EPHA5: variants seen among roughly 807,000 people sequenced by gnomAD.
EPHA5 encodes EPH receptor A5, also known as ephrin type-A receptor 5.
Under a neutral mutation model 105.0 loss-of-function variants are expected in EPHA5, and 60 were observed. The ratio of observed to expected loss-of-function variants is 0.57; its 90% CI spans 0.46 to 0.71. The LOEUF (loss-of-function observed/expected upper bound fraction) is 0.71, where lower values mean the gene tolerates loss of function less well. Among genes scored for constraint, EPHA5 ranks in the 30% least tolerant of loss-of-function variants. The probability of loss-of-function intolerance (pLI) is 0.00; values close to 1 mark genes in which losing one functional copy is unlikely to be tolerated. For missense variants in EPHA5, 1,218 were observed against 1,274.7 expected, an observed-to-expected ratio of 0.96 and a Z score of 0.68; for synonymous variants, 513 against 449.1, an observed-to-expected ratio of 1.14 and a Z score of -1.80.
intron 1 of EPHA5, among the ~76,000 whole-genome samples, chr4:65,644,802 A>T (rs907802473): frequency 1.3e-5 from 2 of 152,008 alleles, no homozygotes; most frequent in Non-Finnish European, 2.9e-5. Context: ...ACATTAAAAT[A>T]AATCAATAAC....
intron 3 of EPHA5, among the ~76,000 whole-genome samples, chr4:65,527,598 TCC>T (rs1349923263): frequency 2.6e-5 from 4 of 152,066 alleles, no homozygotes; most frequent in Non-Finnish European, 5.9e-5. Context: ...AACCACTAAC[TCC>T]TATGATTTGG....
chr4:65,419,378 T>A (rs929098138), intron 6 of EPHA5, among the ~76,000 whole-genome samples: 1 of 152,154 alleles, frequency 6.6e-6, no homozygotes. Flanking sequence ...CCATCCCTTT[T>A]ACTCTTCCAG....
At chr4:65,445,225 T>C (rs1726402849) in intron 5 of EPHA5, among the ~76,000 whole-genome samples, 1 of 152,152 alleles carries the variant, frequency 6.6e-6, no homozygotes, top group East Asian at 1.9e-4. Context: ...ATGATTTAAA[T>C]TTGTTATATG....
chr4:65,372,965 C>T (rs893744530), intron 8 of EPHA5, among the ~76,000 whole-genome samples: 3 of 151,848 alleles, frequency 2.0e-5, no homozygotes, highest in African/African-American at 4.8e-5. Flanking sequence ...ATAAATTATA[C>T]ACTATTTTCT....
intron 5 of EPHA5, among the ~76,000 whole-genome samples, chr4:65,480,982 C>G (rs971417419): frequency 6.6e-6 from 1 of 151,968 alleles, no homozygotes; most frequent in South Asian, 2.1e-4. Flanking sequence ...TAACAAGGAT[C>G]CATTTGGTGT....
intron 3 of EPHA5, among the ~76,000 whole-genome samples, chr4:65,505,392 A>C (rs1732908226): frequency 6.6e-6 from 1 of 152,076 alleles, no homozygotes; most frequent in Non-Finnish European, 1.5e-5. Context: ...AACAACTTAA[A>C]TTCTTCATAA....
chr4:65,542,683 A>G (rs1315482402), intron 3 of EPHA5, among the ~76,000 whole-genome samples: 1 of 151,834 alleles, frequency 6.6e-6, no homozygotes, highest in Admixed American at 6.6e-5. Context: ...ACTATTGCAA[A>G]CAATTGAAAA....
intron 16 of EPHA5, chr4:65,331,298 A>C: frequency 9.7e-7 from 1 of 1,034,334 alleles, no homozygotes; most frequent in Non-Finnish European, 1.2e-6. Flanking sequence ...AATAAAATAC[A>C]AACAACTTAC....
intron 2 of EPHA5, among the ~76,000 whole-genome samples, chr4:65,608,845 T>A (rs1208533082): frequency 6.6e-6 from 1 of 152,222 alleles, no homozygotes; most frequent in African/African-American, 2.4e-5. Flanking sequence ...CTAATTAATG[T>A]CTACAATTAG....
chr4:65,468,678 A>AATATATATATAATATATAT (rs1560572066), intron 5 of EPHA5, among the ~76,000 whole-genome samples: 4 of 132,274 alleles, frequency 3.0e-5, no homozygotes, highest in African/African-American at 5.7e-5. Context: ...TAACATATAT[A>AATATATATATAATATATAT]CATATATATA....
intron 6 of EPHA5, among the ~76,000 whole-genome samples, chr4:65,417,151 A>G (rs562157118): frequency 1.3e-5 from 2 of 152,360 alleles, no homozygotes; most frequent in African/African-American, 4.8e-5. Context: ...AGAGATGGCA[A>G]TGAGCCCATC....
chr4:65,637,003 C>T (rs968851567), intron 2 of EPHA5, among the ~76,000 whole-genome samples: 4 of 151,822 alleles, frequency 2.6e-5, no homozygotes, highest in Admixed American at 6.6e-5. Flanking sequence ...CATAGTACTG[C>T]TAGATATGTC....
At chr4:65,416,173 T>G (rs1471736072) in intron 6 of EPHA5, among the ~76,000 whole-genome samples, 3 of 152,060 alleles carry the variant, frequency 2.0e-5, no homozygotes, top group African/African-American at 7.2e-5. Context: ...AAGTATAAAA[T>G]TCTGATAGAC....
chr4:65,332,005 A>G lies in EPHA5; in HGVS notation c.2913T>C (p.Ser971=), dbSNP rs575784608. 2.5e-6 allele frequency: 4 copies of G among 1,611,264 alleles called. No homozygotes were observed. The Admixed American group carries it at 5.0e-5, about 20-fold the overall frequency. Residue 971 remains serine, a synonymous_variant, in exon 16 of 17, where the codon AGT becomes AGC. Transcript: ENST00000613740. ...YTEIFMENGY[S]SMDAVAQVTL... ...TCACCTGAGCCACAGCGTCCATTGA[A>G]CTGTATCCATTTTCCATGAAAATCT...
At chr4:65,448,288 C>G (rs1360974833) in intron 5 of EPHA5, among the ~76,000 whole-genome samples, 1 of 151,000 alleles carries the variant, frequency 6.6e-6, no homozygotes, top group African/African-American at 2.4e-5. Flanking sequence ...GAAAAAATCA[C>G]AGACACATTG....
intron 3 of EPHA5, among the ~76,000 whole-genome samples, chr4:65,588,906 C>T (rs1002359427): frequency 1.3e-5 from 2 of 152,078 alleles, no homozygotes; most frequent in Non-Finnish European, 2.9e-5. Context: ...CAAACAAAAA[C>T]AGAAGGAAAC....
At chr4:65,385,182 GA>G (rs1034736867) in intron 8 of EPHA5, among the ~76,000 whole-genome samples, 2 of 151,542 alleles carry the variant, frequency 1.3e-5, no homozygotes, top group African/African-American at 2.4e-5. Flanking sequence ...CTCATTTAAT[GA>G]AAAAATAACA....
At chr4:65,521,316 T>G (rs1051665042) in intron 3 of EPHA5, among the ~76,000 whole-genome samples, 1 of 151,968 alleles carries the variant, frequency 6.6e-6, no homozygotes, top group Non-Finnish European at 1.5e-5. Flanking sequence ...TAGGTGGGAA[T>G]TGAACAATGA....
chr4:65,494,094 A>G (rs1460013065), intron 4 of EPHA5, among the ~76,000 whole-genome samples: 1 of 152,166 alleles, frequency 6.6e-6, no homozygotes, highest in Non-Finnish European at 1.5e-5. Flanking sequence ...GCATATAAAA[A>G]TTGCATTTAT....
Sources: gnomAD v4.1 joint callset for allele counts (sites outside exome capture counted in the v4.1 genomes callset) on GRCh38, gnomAD v4.1.1 for gene constraint, MANE v1.5 for transcripts, NCBI Gene and HGNC (gene_info 2026-07-23, HGNC 2026-07-21) for gene names.